KLF12: variants seen among roughly 807,000 people sequenced by gnomAD.
KLF12 encodes KLF transcription factor 12.
In KLF12, 9 loss-of-function variants were observed where a neutral mutation model predicts 37.8. That is an observed-to-expected ratio of 0.24 (90% CI 0.14 to 0.42). The LOEUF is 0.42. KLF12 is among the 10% of genes least tolerant of loss of function. The pLI is 1.00. For synonymous variants in KLF12, 208 were observed against 202.1 expected, an observed-to-expected ratio of 1.03 and a Z score of -0.25; for missense variants, 411 against 516.0, an observed-to-expected ratio of 0.80 and a Z score of 1.97.
intron 1 of KLF12, among the ~76,000 whole-genome samples, chr13:74,032,133 C>G (rs1893131514): frequency 6.6e-6 from 1 of 152,094 alleles, no homozygotes; most frequent in African/African-American, 2.4e-5. Context: ...TGTTGGTGCA[C>G]TATAAAAATA....
At chr13:74,134,301 G>C (rs1878444557), upstream of KLF12, among the ~76,000 whole-genome samples, 1 of 151,920 alleles carries the variant, frequency 6.6e-6, no homozygotes, top group Non-Finnish European at 1.5e-5. Context: ...GGCGGGGGCG[G>C]CGGCGGGGAG....
chr13:73,741,443 A>G (rs1312727369), intron 6 of KLF12, among the ~76,000 whole-genome samples: 2 of 152,158 alleles, frequency 1.3e-5, no homozygotes, highest in Non-Finnish European at 2.9e-5. Context: ...TAGGTAAGAA[A>G]CCTTGCTTTC....
At chr13:74,217,455 G>C in the KLF12 span, among the ~76,000 whole-genome samples, 7 of 152,072 alleles carry the variant, frequency 4.6e-5, no homozygotes, top group Non-Finnish European at 7.4e-5. Flanking sequence ...CAGGCTGGGC[G>C]CGGTGGCTCA....
At chr13:73,930,190 G>C (rs1171085157) in intron 3 of KLF12, among the ~76,000 whole-genome samples, 1 of 152,116 alleles carries the variant, frequency 6.6e-6, no homozygotes, top group Non-Finnish European at 1.5e-5. Flanking sequence ...TTCAAAAATT[G>C]CAAGTGCCAG....
At chr13:74,290,981 C>G in the KLF12 span, among the ~76,000 whole-genome samples, 2 of 152,206 alleles carry the variant, frequency 1.3e-5, no homozygotes, top group Admixed American at 6.5e-5. Context: ...TATTGTCCCA[C>G]TGGCCTAACT....
At position 73,994,981 on chromosome 13, in the gene KLF12, C is replaced by A; in HGVS notation, c.33+9G>T. 1 of 1,581,700 alleles carries A rather than the reference C, an allele frequency of 6.3e-7. No homozygotes were observed. Among genetic ancestry groups the A allele is most frequent in the Non-Finnish European group, 8.7e-7 (1 of 1,151,390 alleles). The stretch of plus-strand genomic sequence containing the variant: ...TTTTCAATGCAATTTTAACATCTGA[C>A]TAACCAACCTTTATTGTTTTTCTCT... On this transcript the variant is annotated intron_variant, in intron 2 of 7. Transcript: ENST00000377669.
intron 1 of KLF12, among the ~76,000 whole-genome samples, chr13:74,094,580 C>A (rs1265317401): frequency 6.6e-6 from 1 of 151,544 alleles, no homozygotes; most frequent in Non-Finnish European, 1.5e-5. Context: ...CACCCCACAA[C>A]CAGAAAAGCT....
the KLF12 span, among the ~76,000 whole-genome samples, chr13:74,174,087 C>T: frequency 6.6e-6 from 1 of 152,142 alleles, no homozygotes; most frequent in East Asian, 1.9e-4. Flanking sequence ...TGCCGGTCCT[C>T]CTAGACCTCA....
At chr13:73,994,009 A>T (rs1892039604) in intron 2 of KLF12, among the ~76,000 whole-genome samples, 1 of 152,244 alleles carries the variant, frequency 6.6e-6, no homozygotes, top group Admixed American at 6.5e-5. Flanking sequence ...ATACCTGCAG[A>T]AGTCTCCCTT....
In KLF12 at chr13:74,002,530, C is replaced by T. The variant is rs931177501; in HGVS notation, c.-31-7477G>A. Among the ~76,000 whole-genome samples, 3 of 152,180 alleles carry T rather than the reference C, an allele frequency of 2.0e-5. No individual in the cohort carries two copies. The East Asian group carries it at 5.8e-4, about 30-fold the overall frequency. ...AGCTGGGACTACAGGCTAGCGCCAC[C>T]ACATTCGGCTAATGTTTTGTAGAGA... On this transcript the variant is annotated intron_variant, in intron 1 of 7. Transcript: ENST00000377669.
At chr13:74,051,607 C>G (rs935233420) in intron 1 of KLF12, among the ~76,000 whole-genome samples, 7 of 151,986 alleles carry the variant, frequency 4.6e-5, no homozygotes, top group African/African-American at 1.7e-4. Flanking sequence ...AGAACAGACT[C>G]AACCATGTAC....
chr13:74,217,386 G>A, the KLF12 span, among the ~76,000 whole-genome samples: 1 of 150,712 alleles, frequency 6.6e-6, no homozygotes, highest in South Asian at 2.1e-4. Context: ...AGTATAAAAT[G>A]TCCTCCACAA....
intron 5 of KLF12, among the ~76,000 whole-genome samples, chr13:73,782,851 TG>T (rs1881055056): frequency 6.6e-6 from 1 of 152,216 alleles, no homozygotes; most frequent in South Asian, 2.1e-4. Context: ...GGCTCTAATT[TG>T]TCAAGCTGTG....
intron 4 of KLF12, among the ~76,000 whole-genome samples, chr13:73,841,333 CA>C (rs1231751092): frequency 1.3e-5 from 2 of 152,110 alleles, no homozygotes; most frequent in Non-Finnish European, 2.9e-5. Flanking sequence ...CCCTGGGCCA[CA>C]ACGGAAGAAG....
chr13:74,283,081 C>G, the KLF12 span, among the ~76,000 whole-genome samples: 1 of 152,124 alleles, frequency 6.6e-6, no homozygotes, highest in African/African-American at 2.4e-5. Context: ...TATTTCTCTA[C>G]CTTAAAAACA....
intron 2 of KLF12, among the ~76,000 whole-genome samples, chr13:73,952,708 A>G (rs1890689772): frequency 6.6e-6 from 1 of 152,208 alleles, no homozygotes; most frequent in South Asian, 2.1e-4. Flanking sequence ...GTAAAAGGGG[A>G]AGAAAAGTGT....
the KLF12 span, among the ~76,000 whole-genome samples, chr13:74,247,680 C>T: frequency 0.016 from 2,359 of 152,000 alleles, 32 homozygotes; most frequent in Non-Finnish European, 0.025. Flanking sequence ...CTATTTTGCG[C>T]GGACTGGTCT....
chr13:73,806,992 C>T (rs10467619), intron 5 of KLF12, among the ~76,000 whole-genome samples: 92,078 of 151,890 alleles, frequency 0.61, 28,071 homozygotes, highest in African/African-American at 0.65. Flanking sequence ...CTTTCTTTGA[C>T]TGTTAAATAC....
the KLF12 span, among the ~76,000 whole-genome samples, chr13:74,282,467 C>T: frequency 1.6e-4 from 24 of 152,254 alleles, no homozygotes; most frequent in African/African-American, 5.5e-4. Context: ...TGGATTCACC[C>T]TGCAGGGGTG....
Sources: gnomAD v4.1 joint callset for allele counts (sites outside exome capture counted in the v4.1 genomes callset) on GRCh38, gnomAD v4.1.1 for gene constraint, MANE v1.5 for transcripts, NCBI Gene and HGNC (gene_info 2026-07-23, HGNC 2026-07-21) for gene names.